Variants in ANKDD1B observed in about 807,000 individuals in gnomAD.
ANKDD1B encodes the protein ankyrin repeat and death domain-containing protein 1B.
In ANKDD1B, 57 loss-of-function variants were observed where a neutral mutation model predicts 59.7. The ratio of observed to expected loss-of-function variants is 0.95; its 90% CI spans 0.77 to 1.19. The LOEUF (loss-of-function observed/expected upper bound fraction) is 1.19. ANKDD1B is among the 50% of genes most tolerant of loss of function. The probability of loss-of-function intolerance (pLI) is 0.00; values close to 1 mark genes in which losing one functional copy is unlikely to be tolerated. For missense variants in ANKDD1B, 602 were observed against 641.9 expected, an observed-to-expected ratio of 0.94 and a Z score of 0.67; for synonymous variants, 216 against 239.5, an observed-to-expected ratio of 0.90 and a Z score of 0.91.
intron 1 of ANKDD1B, 45 bp downstream of exon 1, chr5:75,611,872 G>T: frequency 1.6e-6 from 2 of 1,226,912 alleles, no homozygotes; most frequent in Non-Finnish European, 2.0e-6. Context: ...TGCGGGGCGG[G>T]CTGGGTCGAA....
intron 8 of ANKDD1B, among the ~76,000 whole-genome samples, chr5:75,654,821 C>T (rs1240452057): frequency 1.3e-5 from 2 of 152,168 alleles, no homozygotes; most frequent in Non-Finnish European, 1.5e-5. Context: ...TAATCACTCA[C>T]CCTCGTAGGC....
rs2112045375 is a variant in ANKDD1B, at chr5:75,671,201, C to T, written c.*161C>T. The T allele has an allele frequency of 5.1e-6, 2 of 389,160 alleles. No homozygotes were observed. Among genetic ancestry groups the T allele is most frequent in the Middle Eastern group, 6.5e-4 (1 of 1,534 alleles). The allele number at this position is 389,160 out of a possible 1,614,324, so 24.1% of individuals were successfully genotyped here. ...AGAGTAATACCATGATACTTTTCAA[C>T]CACTAAAAAGTCAAATATAGTTTTT... is the stretch of plus-strand genomic sequence containing the variant. On this transcript the variant is annotated 3_prime_UTR_variant, in exon 14 of 14. Coordinates refer to ENST00000601380, the MANE Select transcript of ANKDD1B (RefSeq NM_001276713.2).
intron 7 of ANKDD1B, among the ~76,000 whole-genome samples, chr5:75,648,840 G>A (rs901618053): frequency 6.6e-6 from 1 of 152,210 alleles, no homozygotes; most frequent in Non-Finnish European, 1.5e-5. Context: ...GGTGATTGCT[G>A]TGTTTGATCT....
intron 5 of ANKDD1B, among the ~76,000 whole-genome samples, chr5:75,628,069 TC>T (rs1774039409): frequency 6.6e-6 from 1 of 152,152 alleles, no homozygotes; most frequent in Non-Finnish European, 1.5e-5. Flanking sequence ...GAAAGAAGAC[TC>T]TTTGAGTCTG....
Position 75,671,772 on chromosome 5 carries a change from A to G in ANKDD1B, c.*732A>G, listed in dbSNP as rs1371560186. The G allele has an allele frequency of 2.1e-5, 2 of 95,008 alleles. No individual in the cohort carries two copies. The highest frequency in any genetic ancestry group is 3.5e-5 in the African/African-American group (1 of 28,742). 5.9% of individuals were successfully genotyped at this position (95,008 alleles called of 1,614,324 possible). A position where few individuals can be genotyped will look rare whatever the true frequency, so the allele number is the denominator to read the frequency against. ...TTCTTTGTACTTTTGGGTACATTCC[A>G]TTCTTTTTTTCACAAAGAACATGCA... On this transcript the variant is annotated 3_prime_UTR_variant, in exon 14 of 14. Coordinates refer to ENST00000601380, the MANE Select transcript of ANKDD1B (RefSeq NM_001276713.2).
At chr5:75,660,064 CA>C (rs1775087991) in intron 10 of ANKDD1B, among the ~76,000 whole-genome samples, 1 of 152,102 alleles carries the variant, frequency 6.6e-6, no homozygotes. Flanking sequence ...AATGACTTTA[CA>C]TATGTCTAAA....
At chr5:75,669,414 T>C (rs1775411800) in intron 13 of ANKDD1B, 31 bp downstream of exon 13, 1 of 1,231,640 alleles carries the variant, frequency 8.1e-7, no homozygotes, top group Non-Finnish European at 1.0e-6. Context: ...CAGAAATTCT[T>C]TCTCCCTTAA....
chr5:75,655,593 TTTCTG>T (rs1367025372), intron 8 of ANKDD1B, among the ~76,000 whole-genome samples: 2 of 152,198 alleles, frequency 1.3e-5, no homozygotes, highest in African/African-American at 4.8e-5. Context: ...AGAATAGTCT[TTTCTG>T]ACCTCCTGAA....
chr5:75,669,362 G>A lies in ANKDD1B; in HGVS notation c.1504G>A (p.Ala502Thr), dbSNP rs1309263184. Residue 502 changes from alanine (A) to threonine (T), a missense_variant, in exon 13 of 14, where the codon GCA becomes ACA. By Grantham distance (58) the Ala-to-Thr change is moderately conservative. Transcript: ENST00000601380. Reference sequence around the variant, plus strand: ...GCAACTGTATGAAGAGCTGGTACACGCAGGTTTCCCAAAACTAGCTGGTAA... The same window carrying A: ...GCAACTGTATGAAGAGCTGGTACACACAGGTTTCCCAAAACTAGCTGGTAA... The part of the protein sequence containing the change: ...AKQLYEELVH[A>T]GFPKLAEKTR... The A allele has an allele frequency of 5.7e-6, 7 of 1,232,134 alleles. No individual in the cohort carries two copies. Among genetic ancestry groups the A allele is most frequent in the Non-Finnish European group, 6.1e-6 (6 of 987,940 alleles). 76.3% of individuals were successfully genotyped at this position (1,232,134 alleles called of 1,614,324 possible).
chr5:75,659,054 G>A (rs1298259198), intron 9 of ANKDD1B, among the ~76,000 whole-genome samples: 1 of 109,774 alleles, frequency 9.1e-6, no homozygotes, highest in Non-Finnish European at 1.8e-5. Flanking sequence ...TTTAATGGTT[G>A]CCTGTTATTC....
chr5:75,620,527 TG>T, intron 3 of ANKDD1B, 114 bp downstream of exon 3: 1 of 621,578 alleles, frequency 1.6e-6, no homozygotes. Flanking sequence ...TAATTGGCAG[TG>T]TTCGTTTTGG....
chr5:75,648,413 G>A (rs1335737657), intron 7 of ANKDD1B, among the ~76,000 whole-genome samples: 1 of 151,988 alleles, frequency 6.6e-6, no homozygotes, highest in Non-Finnish European at 1.5e-5. Context: ...GGCTTCCCAG[G>A]TTAGCAAGAC....
rs113465170 is a variant in ANKDD1B at position 75,635,765 on chromosome 5, G to A, written c.700-19G>A. The A allele has an allele frequency of 1.9e-4, 276 of 1,486,328 alleles. 1 individual carries two copies. In the African/African-American group the frequency reaches 2.8e-3, roughly 15 times the overall value. 92.1% of individuals were successfully genotyped at this position (1,486,328 alleles called of 1,614,324 possible). Reference sequence around the variant, plus strand: ...CTCCTGGCACAGGGGTTTCTACGTCGAGTGTGTCTCTGTTGCAGGGGGGAA... The same window carrying A: ...CTCCTGGCACAGGGGTTTCTACGTCAAGTGTGTCTCTGTTGCAGGGGGGAA... On this transcript the variant is annotated intron_variant, in intron 6 of 13. Transcript: ENST00000601380.
intron 7 of ANKDD1B, among the ~76,000 whole-genome samples, chr5:75,639,495 C>T (rs1030946746): frequency 5.9e-5 from 9 of 152,116 alleles, no homozygotes; most frequent in Admixed American, 2.0e-4. Context: ...CTGCACCCGG[C>T]GGAGAAATGC....
At chr5:75,648,692 C>T (rs917778161) in intron 7 of ANKDD1B, among the ~76,000 whole-genome samples, 6 of 152,138 alleles carry the variant, frequency 3.9e-5, no homozygotes. Context: ...ACAACCTCAG[C>T]CCCCACTAGC....
chr5:75,634,032 C>G (rs1774233507), intron 5 of ANKDD1B, among the ~76,000 whole-genome samples: 1 of 152,180 alleles, frequency 6.6e-6, no homozygotes, highest in South Asian at 2.1e-4. Flanking sequence ...CACCAGAAGC[C>G]AAGACCATGC....
chr5:75,649,496 A>T (rs1323734135), intron 7 of ANKDD1B, among the ~76,000 whole-genome samples: 1 of 152,034 alleles, frequency 6.6e-6, no homozygotes, highest in East Asian at 1.9e-4. Context: ...TTTACATTTT[A>T]ACGGTTTCTT....
chr5:75,620,321 C>A lies in ANKDD1B; in HGVS notation c.304C>A (p.Arg102Ser), dbSNP rs373455532. Residue 102 changes from arginine (R) to serine (S), a missense_variant, in exon 3 of 14, where the codon CGC becomes AGC. By Grantham distance (110) the Arg-to-Ser change is moderately radical. Around this residue, in one of 3 missense-constraint regions of ANKDD1B, gnomAD observed 317 missense variants for 304.6 expected, o/e 1.04. Transcript: ENST00000601380. ...ATAAATTATGCTTCCTCAGATGAAC[C>A]GCACAGCCCTGCATTTTGCAGTGGG... ...VNINVVNNMNRTALHFAVGRN... is the reference protein window; with the variant it reads ...VNINVVNNMNSTALHFAVGRN... 4.6e-6 allele frequency: 7 copies of A among 1,515,074 alleles called. No homozygotes were observed. Among genetic ancestry groups the A allele is most frequent in the African/African-American group, 2.8e-5 (2 of 72,390 alleles). The allele number at this position is 1,515,074 out of a possible 1,614,324, so 93.9% of individuals were successfully genotyped here.
chr5:75,616,811 A>G lies in ANKDD1B; in HGVS notation c.201A>G (p.Pro67=). ...TAVAGHELLL[P]NERSFQNAAK... ...TGCTTTGCTTTCTTTCAGTACTCCC[A>G]AATGAGAGAAGCTTTCAGAATGCTG... Residue 67 remains proline, a synonymous_variant, in exon 2 of 14, where the codon CCA becomes CCG. Coordinates refer to ENST00000601380, the MANE Select transcript of ANKDD1B (RefSeq NM_001276713.2). 1 of 1,513,442 alleles carries G rather than the reference A, an allele frequency of 6.6e-7. No individual in the cohort carries two copies. Among genetic ancestry groups the G allele is most frequent in the Non-Finnish European group, 8.9e-7 (1 of 1,128,506 alleles). The allele number at this position is 1,513,442 out of a possible 1,614,324, so 93.8% of individuals were successfully genotyped here.
Sources: allele counts gnomAD v4.1 joint callset (sites outside exome capture counted in the v4.1 genomes callset), GRCh38; gene constraint gnomAD v4.1.1; regional missense constraint gnomAD v4.1.1; transcripts MANE v1.5; gene names NCBI Gene and HGNC (gene_info 2026-07-23, HGNC 2026-07-21).